Variants in GBE1 observed in about 807,000 individuals in gnomAD.
GBE1 encodes the protein 1,4-alpha-glucan branching enzyme 1, also known as 1,4-alpha-glucan-branching enzyme.
Under a neutral mutation model 88.8 loss-of-function variants are expected in GBE1, and 70 were observed. The observed-to-expected ratio is 0.79, with a 90% CI of 0.65 to 0.96. The LOEUF (loss-of-function observed/expected upper bound fraction) is 0.96. Among genes scored for constraint, GBE1 ranks in the 40% least tolerant of loss-of-function variants. The pLI, the probability that GBE1 is intolerant of heterozygous loss-of-function variation, is 0.00. For synonymous variants in GBE1, 284 were observed against 300.1 expected, an observed-to-expected ratio of 0.95 and a Z score of 0.56; for missense variants, 872 against 871.0, an observed-to-expected ratio of 1.00 and a Z score of -0.01.
At chr3:81,571,545 T>C (rs927743440) in intron 12 of GBE1, among the ~76,000 whole-genome samples, 1 of 151,952 alleles carries the variant, frequency 6.6e-6, no homozygotes, top group Admixed American at 6.6e-5. Context: ...ACCCGGAGAG[T>C]TATATAAAAA....
At chr3:81,758,953 T>C (rs548266991) in intron 1 of GBE1, among the ~76,000 whole-genome samples, 1 of 152,342 alleles carries the variant, frequency 6.6e-6, no homozygotes, top group East Asian at 1.9e-4. Flanking sequence ...TCCCACGCTG[T>C]TCTCCTGATA....
At chr3:81,584,100 A>T (rs1454512249) in intron 10 of GBE1, among the ~76,000 whole-genome samples, 1 of 152,104 alleles carries the variant, frequency 6.6e-6, no homozygotes, top group Non-Finnish European at 1.5e-5. Context: ...CTTAACATAA[A>T]CACTTCAAAA....
chr3:81,755,195 G>A (rs1487717737), intron 1 of GBE1, among the ~76,000 whole-genome samples: 3 of 152,138 alleles, frequency 2.0e-5, no homozygotes, highest in Non-Finnish European at 2.9e-5. Context: ...CATATAAATG[G>A]CCGACAGGTG....
intron 7 of GBE1, among the ~76,000 whole-genome samples, chr3:81,642,236 G>T (rs561872383): frequency 2.0e-5 from 3 of 152,118 alleles, no homozygotes; most frequent in African/African-American, 7.2e-5. Flanking sequence ...TTTACCACAT[G>T]TAAGTAGAGT....
intron 14 of GBE1, among the ~76,000 whole-genome samples, chr3:81,512,520 A>G (rs1292113147): frequency 6.6e-6 from 1 of 151,892 alleles, no homozygotes; most frequent in African/African-American, 2.4e-5. Flanking sequence ...CTCTACAAAT[A>G]TAAATAGAGA....
At chr3:81,589,525 A>T (rs535121343) in intron 9 of GBE1, among the ~76,000 whole-genome samples, 1 of 151,994 alleles carries the variant, frequency 6.6e-6, no homozygotes, top group Non-Finnish European at 1.5e-5. Context: ...AAAAAAAAAA[A>T]ATCTAAAACC....
chr3:81,612,219 TTAAAAAA>T, intron 7 of GBE1: 2 of 280,404 alleles, frequency 7.1e-6, no homozygotes. Context: ...CCACGCTCCT[TTAAAAAA>T]AAAAAAAAAA....
At chr3:81,600,529 C>T (rs961660960) in intron 7 of GBE1, among the ~76,000 whole-genome samples, 2 of 151,892 alleles carry the variant, frequency 1.3e-5, no homozygotes, top group African/African-American at 4.8e-5. Context: ...CTCTAATCAG[C>T]ATAAAAAATA....
intron 15 of GBE1, among the ~76,000 whole-genome samples, chr3:81,491,394 C>T (rs1268337992): frequency 1.3e-5 from 2 of 152,152 alleles, no homozygotes; most frequent in African/African-American, 2.4e-5. Flanking sequence ...TTCTAACCCT[C>T]AGTTGGTGCC....
chr3:81,596,144 T>C (rs75698219), intron 7 of GBE1, among the ~76,000 whole-genome samples: 1,528 of 152,022 alleles, frequency 0.01, 20 homozygotes, highest in African/African-American at 0.035. Context: ...GACAAAATAG[T>C]AAAGAATAAA....
rs900125098 is a variant in GBE1, at chr3:81,743,683, C to T, written c.143+17692G>A. On this transcript the variant is annotated intron_variant, in intron 1 of 15. Coordinates refer to ENST00000429644, the MANE Select transcript of GBE1 (RefSeq NM_000158.4). ...AAAGCAGACAGCAGTCACCTGATCT[C>T]AGTCATTTTATCAAGAAAGACCAGA... The T allele has an allele frequency of 5.3e-6, 6 of 1,132,046 alleles. No individual in the cohort carries two copies. The African/African-American group carries it at 9.5e-5, about 18-fold the overall frequency. 70.1% of individuals were successfully genotyped at this position (1,132,046 alleles called of 1,614,324 possible).
intron 14 of GBE1, among the ~76,000 whole-genome samples, chr3:81,521,839 C>T (rs113213919): frequency 4.6e-5 from 7 of 151,438 alleles, no homozygotes; most frequent in African/African-American, 1.4e-4. Context: ...AGATATGACA[C>T]AATACTAGGA....
chr3:81,734,397 A>G (rs1334883349), intron 1 of GBE1, among the ~76,000 whole-genome samples: 1 of 150,960 alleles, frequency 6.6e-6, no homozygotes, highest in Non-Finnish European at 1.5e-5. Context: ...TATTTAATTA[A>G]ACACAAGTCA....
intron 7 of GBE1, among the ~76,000 whole-genome samples, chr3:81,626,089 C>G (rs1704410314): frequency 6.6e-6 from 1 of 152,122 alleles, no homozygotes; most frequent in Non-Finnish European, 1.5e-5. Flanking sequence ...ATAAAGTAAA[C>G]AACAAAACAA....
Position 81,490,509 on chromosome 3 carries a change from C to T in GBE1, c.2053-46G>A, listed in dbSNP as rs768608214. 6.2e-6 allele frequency: 9 copies of T among 1,460,078 alleles called. No individual in the cohort carries two copies. The East Asian group carries it at 6.9e-5, about 11-fold the overall frequency. The allele number at this position is 1,460,078 out of a possible 1,614,324, so 90.4% of individuals were successfully genotyped here. Reference sequence around the variant, plus strand: ...CAGTGCAATTGAAGAAAGTACCAAACGGCCTGTCATTATGTCAAAGAAACA... The same window carrying T: ...CAGTGCAATTGAAGAAAGTACCAAATGGCCTGTCATTATGTCAAAGAAACA... On this transcript the variant is annotated intron_variant, in intron 15 of 15. Transcript: ENST00000429644.
intron 7 of GBE1, among the ~76,000 whole-genome samples, chr3:81,614,108 G>T (rs1026899746): frequency 6.6e-6 from 1 of 152,074 alleles, no homozygotes; most frequent in Non-Finnish European, 1.5e-5. Context: ...TGAAACTCCT[G>T]GGGTCAAGTG....
chr3:81,587,684 G>T lies in GBE1; in HGVS notation c.1237-1494C>A, dbSNP rs555163313. On this transcript the variant is annotated intron_variant, in intron 9 of 15. Transcript: ENST00000429644. ...GTTGTTGTTCACCGATATACCCTAA[G>T]AATCTAGACTAGTTTAATAATACTT... Among the ~76,000 whole-genome samples the T allele has an allele frequency of 1.2e-4, 18 of 152,230 alleles. No homozygotes were observed. The South Asian group carries it at 3.3e-3, about 28-fold the overall frequency.
intron 14 of GBE1, among the ~76,000 whole-genome samples, chr3:81,525,702 A>G (rs1304588589): frequency 6.6e-6 from 1 of 151,966 alleles, no homozygotes; most frequent in East Asian, 1.9e-4. Flanking sequence ...TATTGCCTCA[A>G]TTTCAGAGCC....
At chr3:81,574,917 C>G (rs1369008703) in intron 12 of GBE1, among the ~76,000 whole-genome samples, 1 of 152,102 alleles carries the variant, frequency 6.6e-6, no homozygotes, top group Non-Finnish European at 1.5e-5. Flanking sequence ...GTAATCCCAG[C>G]ACTTTGGGAG....
Sources: allele counts gnomAD v4.1 joint callset (sites outside exome capture counted in the v4.1 genomes callset), GRCh38; gene constraint gnomAD v4.1.1; transcripts MANE v1.5; gene names NCBI Gene and HGNC (gene_info 2026-07-23, HGNC 2026-07-21).